APOLD1: variants seen among roughly 807,000 people sequenced by gnomAD.
APOLD1 encodes the protein apolipoprotein L domain containing 1.
A neutral mutation model predicts 15.3 loss-of-function variants in APOLD1; 22 were observed. The observed-to-expected ratio is 1.44, with a 90% CI of 1.03 to 2.05. The LOEUF is 2.05. APOLD1 is among the 30% of genes most tolerant of loss of function. APOLD1 has a pLI of 0.00. For missense variants in APOLD1, 394 were observed against 353.5 expected, an observed-to-expected ratio of 1.11 and a Z score of -0.92; for synonymous variants, 190 against 167.4, an observed-to-expected ratio of 1.13 and a Z score of -1.04.
chr12:12,740,276 C>T (rs1162043932), intron 1 of APOLD1, among the ~76,000 whole-genome samples: 1 of 152,094 alleles, frequency 6.6e-6, no homozygotes, highest in Non-Finnish European at 1.5e-5. Flanking sequence ...CCACCACACC[C>T]AGCCTAATTT....
intron 1 of APOLD1, among the ~76,000 whole-genome samples, chr12:12,776,003 C>CAAAAAAAAAAAAAAA (rs34623976): frequency 1.1e-4 from 7 of 62,202 alleles, no homozygotes; most frequent in Non-Finnish European, 1.4e-4. Flanking sequence ...GACCCAGTCT[C>CAAAAAAAAAAAAAAA]AAAAAAAAAA....
At chr12:12,774,546 C>CAAAAAAAAAAAAAAAAAAAA (rs57343706) in intron 1 of APOLD1, among the ~76,000 whole-genome samples, 16 of 42,294 alleles carry the variant, frequency 3.8e-4, no homozygotes, top group Non-Finnish European at 4.9e-4. Context: ...ACTCTAACTC[C>CAAAAAAAAAAAAAAAAAAAA]AAAAAAAAAA....
At chr12:12,746,512 T>TAAATAAATAC (rs1265527682) in intron 1 of APOLD1, among the ~76,000 whole-genome samples, 6 of 151,744 alleles carry the variant, frequency 4.0e-5, no homozygotes, top group South Asian at 2.1e-4. Flanking sequence ...AATAAATAAA[T>TAAATAAATAC]AAATACATAA....
At chr12:12,769,551 G>C (rs1946969509) in intron 1 of APOLD1, among the ~76,000 whole-genome samples, 1 of 131,674 alleles carries the variant, frequency 7.6e-6, no homozygotes, top group African/African-American at 3.4e-5. Context: ...GCTCTACTAG[G>C]TTCTCACAGT....
intron 1 of APOLD1, among the ~76,000 whole-genome samples, chr12:12,746,313 T>TG: frequency 6.6e-6 from 1 of 152,258 alleles, no homozygotes; most frequent in Middle Eastern, 3.4e-3. Flanking sequence ...CTGGCCAACA[T>TG]GGTGAAACCC....
upstream of APOLD1, among the ~76,000 whole-genome samples, chr12:12,782,488 C>G (rs1592309736): frequency 1.3e-5 from 2 of 152,300 alleles, no homozygotes; most frequent in East Asian, 1.9e-4. Flanking sequence ...AGAATTCAAA[C>G]TAGTACAGCT....
At chr12:12,737,908 T>C (rs996679789) in intron 1 of APOLD1, among the ~76,000 whole-genome samples, 3 of 152,296 alleles carry the variant, frequency 2.0e-5, no homozygotes, top group Non-Finnish European at 4.4e-5. Flanking sequence ...AATGTTCTCT[T>C]GAGACCTTTT....
chr12:12,755,987 C>A (rs1202102624), intron 1 of APOLD1, among the ~76,000 whole-genome samples: 1 of 152,212 alleles, frequency 6.6e-6, no homozygotes, highest in African/African-American at 2.4e-5. Context: ...ACCTTTCTCT[C>A]TCTATATAAG....
At chr12:12,741,518 C>T (rs1946729318) in intron 1 of APOLD1, among the ~76,000 whole-genome samples, 1 of 152,118 alleles carries the variant, frequency 6.6e-6, no homozygotes, top group East Asian at 1.9e-4. Context: ...CCGGCCCCAA[C>T]CCAGTTTTTA....
intron 1 of APOLD1, among the ~76,000 whole-genome samples, chr12:12,750,372 C>CAAA (rs34629361): frequency 0.24 from 17,778 of 75,244 alleles, 2,612 homozygotes; most frequent in East Asian, 0.38. Context: ...GACTCTGTCT[C>CAAA]AAAAAAAAAA....
Position 12,787,235 on chromosome 12 carries a change from C to G in APOLD1, c.330C>G (p.Ile110Met). Residue 110 changes from isoleucine (I) to methionine (M), a missense_variant, in exon 2 of 2, where the codon ATC becomes ATG. Physicochemically the swap from Ile to Met is conservative, Grantham distance 10. Transcript: ENST00000356591. The surrounding 1 kb of genome is among the most constrained non-coding windows in gnomAD (Gnocchi z 4.9). ...CCATCACGTCCGATCTCTCGCTGAT[C>G]TTCTGCAACTCCCGGGAGCTGCGGA... The part of the protein sequence containing the change: ...AVTITSDLSL[I>M]FCNSRELRRV... 6.4e-7 allele frequency: 1 copy of G among 1,572,816 alleles called. No homozygotes were observed. Among genetic ancestry groups the G allele is most frequent in the Non-Finnish European group, 8.6e-7 (1 of 1,164,580 alleles).
chr12:12,739,354 G>A (rs1946713673), intron 1 of APOLD1, among the ~76,000 whole-genome samples: 2 of 152,190 alleles, frequency 1.3e-5, no homozygotes, highest in South Asian at 2.1e-4. Context: ...AAAAGAAGCA[G>A]GCAAAAGCTG....
chr12:12,736,655 C>T (rs568068844), intron 1 of APOLD1, among the ~76,000 whole-genome samples: 8 of 152,246 alleles, frequency 5.3e-5, no homozygotes, highest in South Asian at 2.1e-4. Context: ...CCCAATAGGA[C>T]GTGGGAAAGA....
At chr12:12,740,717 A>G (rs1477199597) in intron 1 of APOLD1, among the ~76,000 whole-genome samples, 1 of 152,168 alleles carries the variant, frequency 6.6e-6, no homozygotes, top group Admixed American at 6.5e-5. Context: ...CCCTCTACAC[A>G]TGGAAAGGAA....
intron 1 of APOLD1, among the ~76,000 whole-genome samples, chr12:12,767,815 T>C (rs1946953186): frequency 6.6e-6 from 1 of 152,026 alleles, no homozygotes; most frequent in African/African-American, 2.4e-5. Context: ...TGACGGAGTC[T>C]CACTCTGTCA....
At chr12:12,738,813 G>T (rs1249348437) in intron 1 of APOLD1, among the ~76,000 whole-genome samples, 1 of 152,174 alleles carries the variant, frequency 6.6e-6, no homozygotes. Flanking sequence ...TGCAATTTGA[G>T]GAGGCATCCT....
At chr12:12,770,940 G>A (rs771151464) in intron 1 of APOLD1, among the ~76,000 whole-genome samples, 3 of 152,126 alleles carry the variant, frequency 2.0e-5, no homozygotes, top group African/African-American at 4.8e-5. Context: ...AGCAAGAAGA[G>A]AGTGGAGTCA....
intron 1 of APOLD1, among the ~76,000 whole-genome samples, chr12:12,731,897 G>C (rs1946644108): frequency 6.6e-6 from 1 of 152,208 alleles, no homozygotes. Flanking sequence ...CAGGTTCAGT[G>C]TAAAATCCCT....
At chr12:12,785,784 A>G in intron 1 of APOLD1, 90 bp downstream of exon 1, 5 of 1,234,784 alleles carry the variant, frequency 4.0e-6, no homozygotes, top group Non-Finnish European at 6.0e-6. Flanking sequence ...GGGTTGGATT[A>G]TGGAAGCATG....
Sources: gnomAD v4.1 joint callset for allele counts (sites outside exome capture counted in the v4.1 genomes callset) on GRCh38, gnomAD v4.1.1 for gene constraint, Gnocchi (gnomAD v3.1) non-coding constraint, MANE v1.5 for transcripts, NCBI Gene and HGNC (gene_info 2026-07-23, HGNC 2026-07-21) for gene names.